Variants in SASH1 observed in about 807,000 individuals in gnomAD.
SASH1 encodes the protein SAM and SH3 domain-containing protein 1.
SASH1 carries 44 observed loss-of-function variants against 125.2 expected under a neutral mutation model. The observed-to-expected ratio is 0.35, with a 90% CI of 0.28 to 0.45. The LOEUF is 0.45. SASH1 is among the 20% of genes least tolerant of loss of function. The probability of loss-of-function intolerance (pLI) is 1.00; values close to 1 mark genes in which losing one functional copy is unlikely to be tolerated. For synonymous variants in SASH1, 639 were observed against 649.1 expected (o/e 0.98, Z 0.24); for missense variants, 1,426 against 1,614.5 (o/e 0.88, Z 2.00).
At chr6:148,356,015 C>T (rs1186988452) in intron 1 of SASH1, among the ~76,000 whole-genome samples, 1 of 151,372 alleles carries the variant, frequency 6.6e-6, no homozygotes, top group Non-Finnish European at 1.5e-5. Flanking sequence ...GTCTTTTATA[C>T]CTCATCCTCT....
At chr6:148,489,185 G>GT (rs1778996869) in intron 8 of SASH1, among the ~76,000 whole-genome samples, 2 of 152,122 alleles carry the variant, frequency 1.3e-5, no homozygotes, top group Non-Finnish European at 2.9e-5. Context: ...TCATTTGCAT[G>GT]TGGATATCCA....
chr6:148,285,640 G>C (rs563599842), intron 1 of SASH1, among the ~76,000 whole-genome samples: 2 of 152,030 alleles, frequency 1.3e-5, no homozygotes, highest in Non-Finnish European at 2.9e-5. Flanking sequence ...TTTAAGAAGG[G>C]TTTCCTACAG....
At chr6:148,217,909 A>G in the SASH1 span, among the ~76,000 whole-genome samples, 1 of 150,966 alleles carries the variant, frequency 6.6e-6, no homozygotes. Flanking sequence ...CAGCTACTGG[A>G]GAGGCTGAGG....
intron 1 of SASH1, among the ~76,000 whole-genome samples, chr6:148,349,248 C>CTTTTTTTTTTTTTT (rs1781627053): frequency 3.0e-5 from 2 of 66,242 alleles, no homozygotes; most frequent in South Asian, 6.1e-4. Context: ...TTTCTTCTTT[C>CTTTTTTTTTTTTTT]TTTCTTTTTT....
At chr6:148,224,243 C>G in the SASH1 span, among the ~76,000 whole-genome samples, 3 of 152,116 alleles carry the variant, frequency 2.0e-5, no homozygotes, top group Non-Finnish European at 2.9e-5. Flanking sequence ...ATACAGTGAG[C>G]TATGATCATG....
chr6:148,302,291 G>T (rs947108410), intron 1 of SASH1, among the ~76,000 whole-genome samples: 1 of 108,450 alleles, frequency 9.2e-6, no homozygotes, highest in South Asian at 3.2e-4. Flanking sequence ...CAGCCTGGGC[G>T]ACAGAGCAAG....
chr6:148,256,364 T>C, the SASH1 span, among the ~76,000 whole-genome samples: 1 of 152,242 alleles, frequency 6.6e-6, no homozygotes, highest in Non-Finnish European at 1.5e-5. Flanking sequence ...TGCTTTAATT[T>C]ATAAAGTTGT....
chr6:148,414,914 G>A (rs1784764479), intron 2 of SASH1, among the ~76,000 whole-genome samples: 1 of 152,154 alleles, frequency 6.6e-6, no homozygotes, highest in Non-Finnish European at 1.5e-5. Flanking sequence ...AAAGTGCTGG[G>A]AATACAGGCG....
At chr6:148,401,322 AG>A (rs1784161018) in intron 2 of SASH1, among the ~76,000 whole-genome samples, 25 of 152,118 alleles carry the variant, frequency 1.6e-4, no homozygotes, top group Admixed American at 1.6e-3. Context: ...AATATCAGGA[AG>A]GACACACACT....
At chr6:148,312,140 G>A (rs142413378) in intron 1 of SASH1, among the ~76,000 whole-genome samples, 15 of 152,282 alleles carry the variant, frequency 9.9e-5, no homozygotes, top group East Asian at 1.9e-4. Context: ...TTTGGTGGTC[G>A]GGGGACGAGT....
At chr6:148,359,154 CTGTTTT>C in intron 1 of SASH1, among the ~76,000 whole-genome samples, 1 of 151,042 alleles carries the variant, frequency 6.6e-6, no homozygotes, top group Admixed American at 6.6e-5. Flanking sequence ...TGGCTTGTTT[CTGTTTT>C]TGTTTTTGTT....
chr6:148,321,154 G>T (rs1204399828), intron 1 of SASH1, among the ~76,000 whole-genome samples: 1 of 152,176 alleles, frequency 6.6e-6, no homozygotes, highest in African/African-American at 2.4e-5. Context: ...TGCCTTGTGA[G>T]GCCAAGGCAG....
chr6:148,271,415 G>A (rs1779059282), upstream of SASH1, among the ~76,000 whole-genome samples: 1 of 152,164 alleles, frequency 6.6e-6, no homozygotes, highest in South Asian at 2.1e-4. Flanking sequence ...CCAAATATAT[G>A]TATTTAATGT....
chr6:148,476,274 C>CAA (rs35854127), intron 7 of SASH1, among the ~76,000 whole-genome samples: 13,946 of 87,934 alleles, frequency 0.16, 1,438 homozygotes, highest in East Asian at 0.51. Context: ...AAAAGGACAC[C>CAA]AAAAAAAAAA....
At chr6:148,338,865 C>T (rs372461232), upstream of SASH1, among the ~76,000 whole-genome samples, 2 of 151,850 alleles carry the variant, frequency 1.3e-5, no homozygotes, top group Admixed American at 6.6e-5. Flanking sequence ...ATTAGCCGGG[C>T]GTGGTGGCAG....
chr6:148,532,319 C>T lies in SASH1; in HGVS notation c.1565-478C>T, dbSNP rs1277410000. Among the ~76,000 whole-genome samples, 1 of 152,170 alleles carries T rather than the reference C, an allele frequency of 6.6e-6. No individual in the cohort carries two copies. The highest frequency in any genetic ancestry group is 1.5e-5 in the Non-Finnish European group (1 of 68,038). Reference sequence around the variant, plus strand: ...CTGGACTCAAGCGATCTGCCCACCTCGGCCTCCTAAAGTGCTGGGATTATA... The same window carrying T: ...CTGGACTCAAGCGATCTGCCCACCTTGGCCTCCTAAAGTGCTGGGATTATA... On this transcript the variant is annotated intron_variant, in intron 13 of 19. Transcript: ENST00000367467. The surrounding 1 kb of genome is among the most constrained non-coding windows in gnomAD (Gnocchi z 4.7).
At chr6:148,408,952 C>T (rs943684124) in intron 2 of SASH1, among the ~76,000 whole-genome samples, 1 of 152,210 alleles carries the variant, frequency 6.6e-6, no homozygotes, top group Non-Finnish European at 1.5e-5. Context: ...CTCCCTCCCA[C>T]CACCTTTTTT....
intron 2 of SASH1, among the ~76,000 whole-genome samples, chr6:148,428,893 C>T (rs1034951659): frequency 9.2e-5 from 14 of 152,066 alleles, no homozygotes; most frequent in Admixed American, 2.6e-4. Flanking sequence ...CAGTTTCACT[C>T]GGAAGAAAAT....
At chr6:148,335,341 T>A (rs1411769307) in intron 1 of SASH1, among the ~76,000 whole-genome samples, 1 of 151,006 alleles carries the variant, frequency 6.6e-6, no homozygotes, top group Non-Finnish European at 1.5e-5. Context: ...AGGGGTCACC[T>A]GTAATTCCTG....
Sources: allele counts gnomAD v4.1 joint callset (sites outside exome capture counted in the v4.1 genomes callset), GRCh38; gene constraint gnomAD v4.1.1; non-coding constraint Gnocchi (gnomAD v3.1); transcripts MANE v1.5; gene names NCBI Gene and HGNC (gene_info 2026-07-23, HGNC 2026-07-21).